The following C5AR2 variants were observed in gnomAD, a reference collection of about 807,000 sequenced individuals.
C5AR2 encodes the protein C5a anaphylatoxin chemotactic receptor 2.
For synonymous variants in C5AR2, 224 were observed against 216.5 expected (o/e 1.03, Z -0.30); for missense variants, 458 against 467.5 (o/e 0.98, Z 0.19).
At chr19:47,338,390 T>C (rs1041074199) in intron 1 of C5AR2, among the ~76,000 whole-genome samples, 1 of 149,740 alleles carries the variant, frequency 6.7e-6, no homozygotes, top group Non-Finnish European at 1.5e-5. Flanking sequence ...GAGGCTGCAG[T>C]GAGCCAAGAT....
At chr19:47,339,433 T>C (rs1312644986) in intron 1 of C5AR2, among the ~76,000 whole-genome samples, 1 of 152,036 alleles carries the variant, frequency 6.6e-6, no homozygotes, top group Non-Finnish European at 1.5e-5. Flanking sequence ...CCCTCCTGCC[T>C]CAGCCTCCTG....
Position 47,340,856 on chromosome 19 carries a change from C to A in C5AR2, c.57C>A (p.Arg19=). 1 of 1,613,680 alleles carries A rather than the reference C, an allele frequency of 6.2e-7. No homozygotes were observed. The stretch of plus-strand genomic sequence containing the variant: ...GGGATTACAGCGACCTCTCGGACCG[C>A]CCTGTGGACTGCCTGGATGGCGCCT... ...EYGDYSDLSD[R]PVDCLDGACL... The change falls in exon 2 of 2, where the codon CGC becomes CGA. Residue 19 remains arginine (R), a synonymous_variant. Transcript: ENST00000595464.
chr19:47,337,767 A>C (rs1406852913), intron 1 of C5AR2, among the ~76,000 whole-genome samples: 3 of 152,014 alleles, frequency 2.0e-5, no homozygotes, highest in Non-Finnish European at 4.4e-5. Context: ...AAATTCAGAC[A>C]GTTATTATAA....
intron 1 of C5AR2, among the ~76,000 whole-genome samples, chr19:47,337,657 G>A (rs897374975): frequency 2.6e-5 from 4 of 151,422 alleles, no homozygotes; most frequent in Admixed American, 2.0e-4. Context: ...GCGAGACTCT[G>A]TCTCAAAAAA....
rs576161304 is a variant in C5AR2, at chr19:47,337,438, C to T, written c.-15-3347C>T. On this transcript the variant is annotated intron_variant, in intron 1 of 1. Transcript: ENST00000595464. ...CAGCACTTTGGGAGGCTGAGGTGGG[C>T]GGATCACAAGGTCAGGAGTTCGAGA... Among the ~76,000 whole-genome samples the T allele has an allele frequency of 9.8e-4, 149 of 152,016 alleles. 1 individual carries two copies. Among genetic ancestry groups the T allele is most frequent in the Admixed American group, 4.1e-3 (63 of 15,248 alleles).
At chr19:47,337,945 A>G (rs1461597708) in intron 1 of C5AR2, among the ~76,000 whole-genome samples, 1 of 151,182 alleles carries the variant, frequency 6.6e-6, no homozygotes, top group Non-Finnish European at 1.5e-5. Flanking sequence ...ATGGTGGTGC[A>G]CGCCTGTAAT....
rs764519595 is a variant in C5AR2 at position 47,341,769 on chromosome 19, A to C, written c.970A>C (p.Lys324Gln). The C allele has an allele frequency of 6.2e-7, 1 of 1,613,570 alleles. No individual in the cohort carries two copies. The highest frequency in any genetic ancestry group is 8.5e-7 in the Non-Finnish European group (1 of 1,180,018). The stretch of plus-strand genomic sequence containing the variant: ...GGGCCAGGACGAAAGTGTGGACAGC[A>C]AGAAATCCACCAGCCATGACCTGGT... ...SQGQDESVDS[K>Q]KSTSHDLVSE... Residue 324 changes from lysine (K) to glutamine (Q), a missense_variant, in exon 2 of 2, where the codon AAG (lysine) becomes CAG (glutamine). Physicochemically the swap from Lys to Gln is moderately conservative, Grantham distance 53 (BLOSUM62 1). Transcript: ENST00000595464. This position sits in a 1 kb window ranked among gnomAD's most constrained non-coding sequence, Gnocchi z 4.6.
chr19:47,347,142 A>G lies in C5AR2; in HGVS notation c.*5329A>G, dbSNP rs1969131533. ...GTCTATTTCTGCTATTTGTTTTTTT[A>G]CCATAGAAATATTGATTTCCTTAAG... On this transcript the variant is annotated 3_prime_UTR_variant, in exon 2 of 2. Transcript: ENST00000595464. 1 of 152,020 alleles carries G rather than the reference A, an allele frequency of 6.6e-6. No homozygotes were observed. Among genetic ancestry groups the G allele is most frequent in the Non-Finnish European group, 1.5e-5 (1 of 68,024 alleles). 9.4% of individuals were successfully genotyped at this position (152,020 alleles called of 1,614,324 possible). A position where few individuals can be genotyped will look rare whatever the true frequency, so the allele number is the denominator to read the frequency against.
rs145984728 is a variant in C5AR2, at chr19:47,333,114, C to T, written c.-16+765C>T. Among the ~76,000 whole-genome samples the T allele has an allele frequency of 5.5e-3, 838 of 152,174 alleles. 4 individuals carry two copies. The highest frequency in any genetic ancestry group is 0.019 in the African/African-American group (794 of 41,512). ...CCGCCTCCCAGGTTCAAGTGATTCTCCTGCCCCAGCCTGCTGAGTAGCTGG... is the reference window on the plus strand; with the variant it reads ...CCGCCTCCCAGGTTCAAGTGATTCTTCTGCCCCAGCCTGCTGAGTAGCTGG... On this transcript the variant is annotated intron_variant, in intron 1 of 1. Coordinates refer to ENST00000595464, the MANE Select transcript of C5AR2 (RefSeq NM_001271749.2).
At chr19:47,334,643 C>A (rs562172193) in intron 1 of C5AR2, among the ~76,000 whole-genome samples, 2 of 151,888 alleles carry the variant, frequency 1.3e-5, no homozygotes, top group Non-Finnish European at 2.9e-5. Flanking sequence ...AAACAAAAGC[C>A]CCCAACATTT....
Position 47,344,655 on chromosome 19 carries a change from G to T in C5AR2, c.*2842G>T, listed in dbSNP as rs189714782. On this transcript the variant is annotated 3_prime_UTR_variant, in exon 2 of 2. Coordinates refer to ENST00000595464, the MANE Select transcript of C5AR2 (RefSeq NM_001271749.2). ...TCACTTCCTCCAGGAAGCCCTCCCT[G>T]ATTTATGCTCCTTCCAGAAAGAATG... 1.9e-4 allele frequency: 29 copies of T among 152,296 alleles called. No individual in the cohort carries two copies. Among genetic ancestry groups the T allele is most frequent in the Admixed American group, 1.8e-3 (28 of 15,272 alleles). 9.4% of individuals were successfully genotyped at this position (152,296 alleles called of 1,614,324 possible).
At chr19:47,336,395 G>C (rs1294016884) in intron 1 of C5AR2, among the ~76,000 whole-genome samples, 1 of 150,396 alleles carries the variant, frequency 6.6e-6, no homozygotes, top group Non-Finnish European at 1.5e-5. Flanking sequence ...CGGCTAGGGG[G>C]GGTTCAGTTT....
chr19:47,336,488 C>T (rs866087510), intron 1 of C5AR2, among the ~76,000 whole-genome samples: 9 of 16,552 alleles, frequency 5.4e-4, no homozygotes, highest in African/African-American at 2.3e-3. Context: ...TTCCTTCCTT[C>T]CTTTCTTTCT....
rs1161792814 is a variant in C5AR2, at chr19:47,343,326, C to A, written c.*1513C>A. The A allele has an allele frequency of 6.6e-6, 1 of 152,198 alleles. No homozygotes were observed. Among genetic ancestry groups the A allele is most frequent in the Non-Finnish European group, 1.5e-5 (1 of 68,046 alleles). The allele number at this position is 152,198 out of a possible 1,614,324, so 9.4% of individuals were successfully genotyped here. A position where few individuals can be genotyped will look rare whatever the true frequency, so the allele number is the denominator to read the frequency against. On this transcript the variant is annotated 3_prime_UTR_variant, in exon 2 of 2. Transcript: ENST00000595464. ...TGATCCGCAGACCTTTAAGAAAATACATTTGTATTGTTTTAAGTCACTATG... is the reference window on the plus strand; with the variant it reads ...TGATCCGCAGACCTTTAAGAAAATAAATTTGTATTGTTTTAAGTCACTATG...
rs1278827244 is a variant in C5AR2 at position 47,341,077 on chromosome 19, C to T, written c.278C>T (p.Pro93Leu). Reference protein sequence around the residue: ...CCLSLPILAVPIARGGHWPYG... With the variant: ...CCLSLPILAVLIARGGHWPYG... ...TTGTCTCTGCCCATCCTGGCAGTGC[C>T]CATTGCCCGTGGAGGCCACTGGCCG... is the stretch of plus-strand genomic sequence containing the variant. The change falls in exon 2 of 2, where the codon CCC becomes CTC. Residue 93 changes from proline to leucine, a missense_variant. Transcript: ENST00000595464. The surrounding 1 kb of genome is among the most constrained non-coding windows in gnomAD (Gnocchi z 4.6). 2 of 1,605,524 alleles carry T rather than the reference C, an allele frequency of 1.2e-6. No homozygotes were observed. The highest frequency in any genetic ancestry group is 1.7e-6 in the Non-Finnish European group (2 of 1,179,918).
chr19:47,336,056 C>T (rs1192071340), intron 1 of C5AR2, among the ~76,000 whole-genome samples: 1 of 151,804 alleles, frequency 6.6e-6, no homozygotes, highest in Non-Finnish European at 1.5e-5. Flanking sequence ...GGCCACACAG[C>T]TGGTAGGAAT....
At position 47,342,004 on chromosome 19, in the gene C5AR2, C is replaced by A; in HGVS notation, c.*191C>A. The A allele has an allele frequency of 1.7e-6, 1 of 599,454 alleles. No individual in the cohort carries two copies. 37.1% of individuals were successfully genotyped at this position (599,454 alleles called of 1,614,324 possible). On this transcript the variant is annotated 3_prime_UTR_variant, in exon 2 of 2. Coordinates refer to ENST00000595464, the MANE Select transcript of C5AR2 (RefSeq NM_001271749.2). ...GATATAGCAGTGACCAAAACAGACA[C>A]AAATCCTGCCCTCAGGGAGCTGATA...
intron 1 of C5AR2, 79 bp from the exon 2 acceptor site, chr19:47,340,706 C>G: frequency 7.5e-7 from 1 of 1,339,082 alleles, no homozygotes; most frequent in Non-Finnish European, 1.1e-6. Context: ...GCTGGTGGGC[C>G]GGGCTGATGG....
intron 1 of C5AR2, among the ~76,000 whole-genome samples, chr19:47,340,487 C>T (rs1229046736): frequency 6.6e-6 from 1 of 151,740 alleles, no homozygotes; most frequent in Non-Finnish European, 1.5e-5. Flanking sequence ...TTACAGGTGC[C>T]CGCCACCACA....
Sources: gnomAD v4.1 joint callset for allele counts (sites outside exome capture counted in the v4.1 genomes callset) on GRCh38, gnomAD v4.1.1 for gene constraint, Gnocchi (gnomAD v3.1) non-coding constraint, MANE v1.5 for transcripts, NCBI Gene and HGNC (gene_info 2026-07-23, HGNC 2026-07-21) for gene names.